The following XYLT1 variants were observed in gnomAD, a reference collection of about 807,000 sequenced individuals.
The protein encoded by XYLT1 is xylosyltransferase 1, also known as beta-D-xylosyltransferase 1.
In XYLT1, 36 loss-of-function variants were observed where a neutral mutation model predicts 91.3. The ratio of observed to expected loss-of-function variants is 0.39; its 90% CI spans 0.30 to 0.52. The LOEUF (loss-of-function observed/expected upper bound fraction) is 0.52. XYLT1 is among the 20% of genes least tolerant of loss of function. The pLI is 0.68. For synonymous variants in XYLT1, 588 were observed against 532.0 expected, an observed-to-expected ratio of 1.11 and a Z score of -1.45; for missense variants, 1,242 against 1,284.5, an observed-to-expected ratio of 0.97 and a Z score of 0.51.
intron 1 of XYLT1, among the ~76,000 whole-genome samples, chr16:17,400,844 C>T (rs143332097): frequency 4.6e-5 from 7 of 152,002 alleles, no homozygotes; most frequent in South Asian, 4.2e-4. Context: ...GAAGGACAAA[C>T]GGGAATCAAC....
In XYLT1 at chr16:17,369,130, CTT is replaced by C. The variant is rs36042244; in HGVS notation, c.364-11082_364-11081del. Among the ~76,000 whole-genome samples, 85 of 124,848 alleles carry C rather than the reference CTT, an allele frequency of 6.8e-4. 2 individuals carry two copies. In the South Asian group the frequency reaches 0.014, roughly 20 times the overall value. 81.9% of individuals were successfully genotyped at this position (124,848 alleles called of 152,430 possible). A position where few individuals can be genotyped will look rare whatever the true frequency, so the allele number is the denominator to read the frequency against. ...ATCTGCATGGTGCACAAAAATACTT[CTT>C]TTTTTTTTTTTTTTTTTAGATGGAG... is the stretch of plus-strand genomic sequence containing the variant. On this transcript the variant is annotated intron_variant, in intron 1 of 11. Transcript: ENST00000261381.
intron 3 of XYLT1, among the ~76,000 whole-genome samples, chr16:17,244,364 C>A (rs769064007): frequency 1.3e-5 from 2 of 151,966 alleles, no homozygotes; most frequent in Non-Finnish European, 1.5e-5. Context: ...GGACTAGGCA[C>A]GAGAGATGTT....
chr16:17,455,012 C>G (rs976874128), intron 1 of XYLT1, among the ~76,000 whole-genome samples: 1 of 145,656 alleles, frequency 6.9e-6, no homozygotes, highest in Non-Finnish European at 1.5e-5. Context: ...AGCTGGGGTT[C>G]GCCAACCCTG....
chr16:17,330,593 C>G (rs1479296224), intron 2 of XYLT1, among the ~76,000 whole-genome samples: 1 of 151,628 alleles, frequency 6.6e-6, no homozygotes, highest in African/African-American at 2.4e-5. Flanking sequence ...TCGAGACCAG[C>G]CTGGCCAACA....
At chr16:17,262,279 A>G (rs1006179230) in intron 2 of XYLT1, among the ~76,000 whole-genome samples, 27 of 152,214 alleles carry the variant, frequency 1.8e-4, no homozygotes, top group African/African-American at 6.3e-4. Context: ...ATAATTTCCA[A>G]CGTAGGCACT....
In XYLT1 at chr16:17,117,249, T is replaced by C. The variant is rs191743056; in HGVS notation, c.2557+397A>G. Among the ~76,000 whole-genome samples, 548 of 152,366 alleles carry C rather than the reference T, an allele frequency of 3.6e-3. 4 individuals carry two copies. Among genetic ancestry groups the C allele is most frequent in the Non-Finnish European group, 4.6e-3 (316 of 68,036 alleles). Reference sequence around the variant, plus strand: ...GCAAATATCTTCTACTATTATGTGGTTCATCTTTTCCACCTAGTGTATCAT... The same window carrying C: ...GCAAATATCTTCTACTATTATGTGGCTCATCTTTTCCACCTAGTGTATCAT... On this transcript the variant is annotated intron_variant, in intron 11 of 11. Transcript: ENST00000261381.
At chr16:17,342,125 A>G (rs917984136) in intron 2 of XYLT1, among the ~76,000 whole-genome samples, 43 of 152,310 alleles carry the variant, frequency 2.8e-4, no homozygotes, top group Middle Eastern at 3.4e-3. Flanking sequence ...CTAATGATCT[A>G]GCTTCACCTC....
chr16:17,362,108 C>T (rs2035391662), intron 1 of XYLT1, among the ~76,000 whole-genome samples: 1 of 152,196 alleles, frequency 6.6e-6, no homozygotes, highest in South Asian at 2.1e-4. Context: ...CTGGGTTCCA[C>T]TCTTTCACAA....
chr16:17,149,972 G>T (rs773734529), intron 6 of XYLT1, among the ~76,000 whole-genome samples: 1 of 152,090 alleles, frequency 6.6e-6, no homozygotes, highest in Non-Finnish European at 1.5e-5. Context: ...ATTTCTATCT[G>T]TCCTATTCTC....
chr16:17,307,050 T>A (rs375844088), intron 2 of XYLT1, among the ~76,000 whole-genome samples: 9 of 152,128 alleles, frequency 5.9e-5, no homozygotes, highest in Non-Finnish European at 1.3e-4. Flanking sequence ...GGTAGTTATA[T>A]GAGCCTGCAG....
rs749058615 is a variant in XYLT1, at chr16:17,200,665, T to G, written c.914-11A>C. 5 of 1,610,278 alleles carry G rather than the reference T, an allele frequency of 3.1e-6. No individual in the cohort carries two copies. In the East Asian group the frequency reaches 1.1e-4, roughly 36 times the overall value. ...TCTTGTTGGCTTTACCTGGGGAAAA[T>G]CCAAGAGAACAGAGAGGAGAAAGTG... is the stretch of plus-strand genomic sequence containing the variant. On this transcript the variant is annotated splice_polypyrimidine_tract_variant and intron_variant, in intron 3 of 11. Coordinates refer to ENST00000261381, the MANE Select transcript of XYLT1 (RefSeq NM_022166.4).
intron 3 of XYLT1, among the ~76,000 whole-genome samples, chr16:17,241,034 G>C (rs1342823246): frequency 1.3e-5 from 2 of 152,184 alleles, no homozygotes; most frequent in Non-Finnish European, 1.5e-5. Flanking sequence ...GAGAACTCCG[G>C]CGTAGACACC....
At chr16:17,122,782 C>T (rs574136249) in intron 10 of XYLT1, among the ~76,000 whole-genome samples, 2 of 152,286 alleles carry the variant, frequency 1.3e-5, no homozygotes, top group African/African-American at 2.4e-5. Context: ...GATGAGGATT[C>T]GGTTCCATTC....
At chr16:17,209,359 T>G (rs186933995) in intron 3 of XYLT1, among the ~76,000 whole-genome samples, 4 of 152,352 alleles carry the variant, frequency 2.6e-5, no homozygotes, top group Non-Finnish European at 4.4e-5. Context: ...GGGCAAGTAA[T>G]ACTCCACTGT....
intron 1 of XYLT1, among the ~76,000 whole-genome samples, chr16:17,376,788 T>C (rs960644402): frequency 8.6e-5 from 11 of 127,884 alleles, no homozygotes; most frequent in African/African-American, 1.5e-4. Context: ...GATTGTGCCA[T>C]TGCATTCCAG....
intron 2 of XYLT1, among the ~76,000 whole-genome samples, chr16:17,264,977 C>T (rs913577831): frequency 1.3e-5 from 2 of 152,038 alleles, no homozygotes; most frequent in East Asian, 1.9e-4. Context: ...TCATGAAGTC[C>T]GGAGATCGAG....
intron 1 of XYLT1, among the ~76,000 whole-genome samples, chr16:17,434,348 G>A (rs2036426019): frequency 1.3e-5 from 2 of 152,180 alleles, no homozygotes; most frequent in African/African-American, 4.8e-5. Context: ...GAACCACCTC[G>A]CTCCACATCC....
At chr16:17,319,344 T>C (rs1446472056) in intron 2 of XYLT1, among the ~76,000 whole-genome samples, 1 of 152,168 alleles carries the variant, frequency 6.6e-6, no homozygotes, top group Non-Finnish European at 1.5e-5. Flanking sequence ...TCTAAGAGCA[T>C]GACAGGAAGG....
intron 5 of XYLT1, among the ~76,000 whole-genome samples, chr16:17,176,918 T>C (rs2031957467): frequency 1.3e-5 from 2 of 151,948 alleles, no homozygotes; most frequent in African/African-American, 4.8e-5. Context: ...CATTTTCTAA[T>C]AGAAAACTTT....
Sources: allele counts gnomAD v4.1 joint callset (sites outside exome capture counted in the v4.1 genomes callset), GRCh38; gene constraint gnomAD v4.1.1; transcripts MANE v1.5; gene names NCBI Gene and HGNC (gene_info 2026-07-23, HGNC 2026-07-21).